ADAMTS2: variants seen among roughly 807,000 people sequenced by gnomAD.
The protein encoded by ADAMTS2 is ADAM metallopeptidase with thrombospondin type 1 motif 2, also known as A disintegrin and metalloproteinase with thrombospondin motifs 2.
ADAMTS2 carries 50 observed loss-of-function variants against 123.0 expected under a neutral mutation model. That is an observed-to-expected ratio of 0.41 (90% CI 0.32 to 0.51). The LOEUF is 0.51. ADAMTS2 is among the 20% of genes least tolerant of loss of function. The probability of loss-of-function intolerance (pLI) is 0.35; values close to 1 mark genes in which losing one functional copy is unlikely to be tolerated. For synonymous variants in ADAMTS2, 678 were observed against 695.4 expected (o/e 0.98, Z 0.39); for missense variants, 1,494 against 1,705.2 (o/e 0.88, Z 2.18).
chr5:179,195,105 C>T (rs1395730659), intron 4 of ADAMTS2, among the ~76,000 whole-genome samples: 2 of 152,210 alleles, frequency 1.3e-5, no homozygotes, highest in African/African-American at 4.8e-5. Flanking sequence ...CCCTGATGAA[C>T]CAAGGTGTAA....
At chr5:179,164,641 G>A (rs148391675) in intron 5 of ADAMTS2, among the ~76,000 whole-genome samples, 7 of 152,270 alleles carry the variant, frequency 4.6e-5, no homozygotes, top group Admixed American at 3.9e-4. Context: ...CAGCTTGCTC[G>A]TTGGGAAGAG....
intron 2 of ADAMTS2, among the ~76,000 whole-genome samples, chr5:179,295,342 G>A (rs528874864): frequency 2.6e-5 from 4 of 152,198 alleles, no homozygotes; most frequent in Non-Finnish European, 2.9e-5. Context: ...GTGAAGGGGG[G>A]CACCGACAGG....
At chr5:179,258,064 C>T (rs911010336) in intron 3 of ADAMTS2, among the ~76,000 whole-genome samples, 2 of 152,158 alleles carry the variant, frequency 1.3e-5, no homozygotes, top group Non-Finnish European at 2.9e-5. Context: ...AACGCCTGAC[C>T]CCCAGGCTCC....
In ADAMTS2 at chr5:179,273,037, C is replaced by G. The variant is rs146064587; in HGVS notation, c.562G>C (p.Glu188Gln). 132 of 1,613,368 alleles carry G rather than the reference C, an allele frequency of 8.2e-5. No homozygotes were observed. The Middle Eastern group carries it at 9.9e-4, about 12-fold the overall frequency. ...TTCTCCAAGGGTTCGATGAAGAACT[C>G]CTCCTCCTCCATCCGGATCAGACCA... ...LAGLIRMEEEEFFIEPLEKGL... is the reference protein window; with the variant it reads ...LAGLIRMEEEQFFIEPLEKGL... The change falls in exon 3 of 22, where the codon GAG becomes CAG. Residue 188 changes from glutamate to glutamine, a missense_variant. Around this residue, in one of 6 missense-constraint regions of ADAMTS2, gnomAD observed 184 missense variants for 152.1 expected, o/e 1.21. Transcript: ENST00000251582.
intron 2 of ADAMTS2, among the ~76,000 whole-genome samples, chr5:179,321,926 C>T (rs1232439396): frequency 6.6e-6 from 1 of 152,152 alleles, no homozygotes; most frequent in Non-Finnish European, 1.5e-5. Flanking sequence ...GTAGATTATG[C>T]TGCCTCTATT....
At chr5:179,120,247 G>A (rs1193752545) in intron 21 of ADAMTS2, 1 of 152,054 alleles carries the variant, frequency 6.6e-6, no homozygotes, top group Non-Finnish European at 1.5e-5. Context: ...TAGTAAGAAT[G>A]AAAGGTCATT....
Position 179,136,008 on chromosome 5 carries a change from C to T in ADAMTS2, c.1986G>A (p.Arg662=), listed in dbSNP as rs142342048. The T allele has an allele frequency of 1.2e-6, 2 of 1,613,442 alleles. No individual in the cohort carries two copies. The highest frequency in any genetic ancestry group is 1.7e-6 in the Non-Finnish European group (2 of 1,180,034). Residue 662 remains arginine, a synonymous_variant, in exon 13 of 22, where the codon AGG becomes AGA. Coordinates refer to ENST00000251582, the MANE Select transcript of ADAMTS2 (RefSeq NM_014244.5). ...KERCHLYCES[R]ETGEVVSMKR... ...TCATGGACACCACCTCCCCGGTCTC[C>T]CTGGACTCGCAGTACAGGTGGCATC...
At chr5:179,270,566 G>A (rs1205798910) in intron 3 of ADAMTS2, among the ~76,000 whole-genome samples, 1 of 152,192 alleles carries the variant, frequency 6.6e-6, no homozygotes, top group Non-Finnish European at 1.5e-5. Flanking sequence ...GGAGTTGTGT[G>A]CCAGGCAGGC....
intron 3 of ADAMTS2, among the ~76,000 whole-genome samples, chr5:179,208,123 A>C (rs1355133476): frequency 2.8e-5 from 4 of 144,722 alleles, no homozygotes; most frequent in Non-Finnish European, 4.6e-5. Flanking sequence ...GCACTGCCTG[A>C]CGCTGGAGTG....
chr5:179,183,447 G>C (rs1399263779), intron 4 of ADAMTS2, among the ~76,000 whole-genome samples: 1 of 152,202 alleles, frequency 6.6e-6, no homozygotes, highest in African/African-American at 2.4e-5. Flanking sequence ...CCTGACATCT[G>C]AGAAGGAAGG....
intron 17 of ADAMTS2, among the ~76,000 whole-genome samples, chr5:179,127,236 G>A (rs924383802): frequency 4.6e-5 from 7 of 152,176 alleles, no homozygotes. Flanking sequence ...CACCAGGGGT[G>A]GATGCGCTGA....
intron 21 of ADAMTS2, chr5:179,120,952 A>T (rs1346899501): frequency 6.6e-6 from 1 of 152,210 alleles, no homozygotes. Flanking sequence ...GCAAAAAAGC[A>T]ATAAAAATTG....
At position 179,189,499 on chromosome 5, in the gene ADAMTS2, C is replaced by T. The variant is rs922311383; in HGVS notation, c.892-8344G>A. Among the ~76,000 whole-genome samples the T allele has an allele frequency of 2.8e-5, 4 of 141,872 alleles. No individual in the cohort carries two copies. The highest frequency in any genetic ancestry group is 6.0e-5 in the Non-Finnish European group (4 of 66,562). 93.1% of individuals were successfully genotyped at this position (141,872 alleles called of 152,430 possible). A position where few individuals can be genotyped will look rare whatever the true frequency, so the allele number is the denominator to read the frequency against. ...AGTAGCTGGGGCTACAGGCGCCCGC[C>T]AGTGCGCCTGGTTTTTTTTTTTTTT... On this transcript the variant is annotated intron_variant, in intron 4 of 21. Coordinates refer to ENST00000251582, the MANE Select transcript of ADAMTS2 (RefSeq NM_014244.5). This position sits in a 1 kb window ranked among gnomAD's most constrained non-coding sequence, Gnocchi z 4.2.
chr5:179,121,556 AG>A, intron 21 of ADAMTS2, 104 bp downstream of exon 21: 1 of 938,926 alleles, frequency 1.1e-6, no homozygotes, highest in South Asian at 1.9e-5. Flanking sequence ...CCGCAGAGTC[AG>A]GGGAGCTTTC....
chr5:179,231,982 T>C (rs1157095762), intron 3 of ADAMTS2, among the ~76,000 whole-genome samples: 1 of 148,360 alleles, frequency 6.7e-6, no homozygotes, highest in Non-Finnish European at 1.5e-5. Flanking sequence ...TCCCAGAGAG[T>C]GAAGGCAGAA....
At position 179,225,819 on chromosome 5, in the gene ADAMTS2, G is replaced by A. The variant is rs374852946; in HGVS notation, c.689-18104C>T. 2.0e-5 allele frequency among the ~76,000 whole-genome samples: 3 copies of A among 152,140 alleles called. No individual in the cohort carries two copies. The highest frequency in any genetic ancestry group is 4.4e-5 in the Non-Finnish European group (3 of 68,024). On this transcript the variant is annotated intron_variant, in intron 3 of 21. Transcript: ENST00000251582. This position sits in a 1 kb window ranked among gnomAD's most constrained non-coding sequence, Gnocchi z 4.5. The stretch of plus-strand genomic sequence containing the variant: ...CCTCGCACTCATTCTCCAAGCCCAC[G>A]TGTGATCTGATTCTTCCAGGACATC...
At chr5:179,252,456 C>T (rs776692241) in intron 3 of ADAMTS2, among the ~76,000 whole-genome samples, 4 of 152,138 alleles carry the variant, frequency 2.6e-5, no homozygotes, top group Non-Finnish European at 4.4e-5. Flanking sequence ...TTTCCATCCA[C>T]GTTTTGATAT....
At chr5:179,208,496 C>T (rs1764772634) in intron 3 of ADAMTS2, among the ~76,000 whole-genome samples, 4 of 152,174 alleles carry the variant, frequency 2.6e-5, no homozygotes, top group African/African-American at 7.2e-5. Flanking sequence ...TGACCTCCTG[C>T]CCCCAGGGTG....
intron 2 of ADAMTS2, among the ~76,000 whole-genome samples, chr5:179,315,650 C>T (rs189073572): frequency 2.0e-5 from 3 of 152,304 alleles, no homozygotes; most frequent in Admixed American, 6.5e-5. Context: ...GCCCATGGCA[C>T]GCAGAGGAAA....
Sources: gnomAD v4.1 joint callset for allele counts (sites outside exome capture counted in the v4.1 genomes callset) on GRCh38, gnomAD v4.1.1 for gene constraint, gnomAD v4.1.1 regional missense constraint, Gnocchi (gnomAD v3.1) non-coding constraint, MANE v1.5 for transcripts, NCBI Gene and HGNC (gene_info 2026-07-23, HGNC 2026-07-21) for gene names.